Variants in PCDHA4 observed in about 807,000 individuals in gnomAD.
PCDHA4 encodes protocadherin alpha 4, also known as protocadherin alpha-4.
PCDHA4 carries 49 observed loss-of-function variants against 61.4 expected under a neutral mutation model. That is an observed-to-expected ratio of 0.80 (90% confidence interval 0.63 to 1.01). The LOEUF is 1.01. Ranked by LOEUF, PCDHA4 falls within the 50% of genes least tolerant of loss-of-function variation. The probability of loss-of-function intolerance (pLI) is 0.00; values close to 1 mark genes in which losing one functional copy is unlikely to be tolerated. For synonymous variants in PCDHA4, 590 were observed against 550.3 expected (o/e 1.07, Z -1.01); for missense variants, 1,254 against 1,235.8 (o/e 1.01, Z -0.22).
intron 1 of PCDHA4, chr5:140,834,849 G>A: frequency 6.2e-7 from 1 of 1,610,850 alleles, no homozygotes; most frequent in East Asian, 2.2e-5. Flanking sequence ...TCCACTAGAG[G>A]GCGCGTCCGA....
chr5:140,884,555 G>C, intron 1 of PCDHA4: 1 of 1,614,098 alleles, frequency 6.2e-7, no homozygotes, highest in Non-Finnish European at 8.5e-7. Context: ...CTCTGGGGAG[G>C]GCCCGCATAA....
At chr5:140,836,233 G>A in intron 1 of PCDHA4, 5 of 1,613,764 alleles carry the variant, frequency 3.1e-6, no homozygotes, top group Non-Finnish European at 4.2e-6. Flanking sequence ...GTGGCGGCCG[G>A]TGCGAGCATC....
intron 1 of PCDHA4, chr5:140,842,284 C>A: frequency 1.2e-6 from 2 of 1,610,320 alleles, no homozygotes; most frequent in South Asian, 1.1e-5. Context: ...TCCTCATTGA[C>A]GCCACGGACA....
In PCDHA4 at chr5:140,835,789, C is replaced by T. The variant is rs2150244748; in HGVS notation, c.2385+26217C>T. The T allele has an allele frequency of 6.8e-6, 11 of 1,612,988 alleles. No individual in the cohort carries two copies. The South Asian group carries it at 9.9e-5, about 14-fold the overall frequency. ...ACGGTGTTCGTGAAGGAGAACAACC[C>T]GCCGGGCTGCCACATCTTCACTGTG... On this transcript the variant is annotated intron_variant, in intron 1 of 3. Transcript: ENST00000530339.
At chr5:140,876,298 G>T (rs1469744425) in intron 1 of PCDHA4, 3 of 1,613,970 alleles carry the variant, frequency 1.9e-6, no homozygotes, top group Non-Finnish European at 1.7e-6. Context: ...ACTTAATGGA[G>T]AAATTTCCTA....
intron 1 of PCDHA4, among the ~76,000 whole-genome samples, chr5:140,963,839 G>A (rs566875036): frequency 1.3e-5 from 2 of 152,290 alleles, no homozygotes; most frequent in African/African-American, 2.4e-5. Flanking sequence ...ATTTTCTCAT[G>A]TAATCATAAT....
chr5:140,858,235 A>C, intron 1 of PCDHA4: 2 of 1,596,218 alleles, frequency 1.3e-6, no homozygotes, highest in Non-Finnish European at 1.7e-6. Flanking sequence ...CCGAGGGCGC[A>C]TGTGGGCCGG....
intron 1 of PCDHA4, among the ~76,000 whole-genome samples, chr5:140,839,640 TC>T (rs1776343463): frequency 6.6e-6 from 1 of 152,096 alleles, no homozygotes; most frequent in Admixed American, 6.5e-5. Flanking sequence ...AATACTATTT[TC>T]TTTACAAATT....
chr5:140,841,337 C>G (rs1424910645), intron 1 of PCDHA4: 1 of 1,610,914 alleles, frequency 6.2e-7, no homozygotes, highest in Non-Finnish European at 8.5e-7. Context: ...TTATCACTGG[C>G]GAGGAGAGCT....
At chr5:140,956,890 G>T (rs2095318198) in intron 1 of PCDHA4, among the ~76,000 whole-genome samples, 3 of 152,136 alleles carry the variant, frequency 2.0e-5, no homozygotes, top group Non-Finnish European at 4.4e-5. Context: ...ATCAATGAAT[G>T]AATATTCTTA....
intron 1 of PCDHA4, among the ~76,000 whole-genome samples, chr5:140,946,628 A>ATATATATATATATATATATATATATATC (rs2093986423): frequency 7.4e-6 from 1 of 134,528 alleles, no homozygotes; most frequent in Non-Finnish European, 1.6e-5. Context: ...ATATATATAT[A>ATATATATATATATATATATATATATATC]TATACAATGG....
At chr5:140,908,602 G>T (rs542051868) in intron 1 of PCDHA4, among the ~76,000 whole-genome samples, 67 of 152,202 alleles carry the variant, frequency 4.4e-4, no homozygotes, top group African/African-American at 1.3e-3. Context: ...AAGATGGAAG[G>T]GCCTTGCTCC....
At position 140,899,258 on chromosome 5, in the gene PCDHA4, T is replaced by C. The variant is rs1293804815; in HGVS notation, c.2386-79691T>C. On this transcript the variant is annotated intron_variant, in intron 1 of 3. Transcript: ENST00000530339. Reference sequence around the variant, plus strand: ...TAGGAGTGGTGAGAGAGGGCATCCCTGTCTTGTGGCAGTTTTCAAAGGGAA... The same window carrying C: ...TAGGAGTGGTGAGAGAGGGCATCCCCGTCTTGTGGCAGTTTTCAAAGGGAA... Among the ~76,000 whole-genome samples the C allele has an allele frequency of 3.7e-4, 56 of 152,282 alleles. No individual in the cohort carries two copies. In the South Asian group the frequency reaches 0.012, roughly 32 times the overall value.
intron 1 of PCDHA4, among the ~76,000 whole-genome samples, chr5:140,961,983 A>C (rs941028423): frequency 1.3e-5 from 2 of 151,532 alleles, no homozygotes; most frequent in Non-Finnish European, 2.9e-5. Context: ...TCCTGGGTTC[A>C]CGCCATTGTC....
intron 3 of PCDHA4, among the ~76,000 whole-genome samples, chr5:141,009,130 G>A (rs1395175038): frequency 2.0e-5 from 3 of 152,188 alleles, no homozygotes; most frequent in African/African-American, 7.2e-5. Flanking sequence ...TGGTATCCTG[G>A]TGAAAAAACC....
chr5:140,904,170 A>T (rs2070892349), intron 1 of PCDHA4, among the ~76,000 whole-genome samples: 1 of 151,964 alleles, frequency 6.6e-6, no homozygotes. Context: ...GTAGTCTTTT[A>T]TTCCTCACCC....
At chr5:140,940,636 C>A (rs1554213535) in intron 1 of PCDHA4, among the ~76,000 whole-genome samples, 1 of 152,106 alleles carries the variant, frequency 6.6e-6, no homozygotes. Flanking sequence ...TTAAGCTTGT[C>A]ATTTATTTAT....
At chr5:140,838,077 AGTGTGTGTGTGTGTGTGTGT>A (rs57130401) in intron 1 of PCDHA4, among the ~76,000 whole-genome samples, 40 of 80,696 alleles carry the variant, frequency 5.0e-4, no homozygotes, top group Middle Eastern at 0.015. Flanking sequence ...ATATATATAT[AGTGTGTGTGTGTGTGTGTGT>A]GTGTGTGTGT....
intron 1 of PCDHA4, chr5:140,841,406 G>A: frequency 6.2e-7 from 1 of 1,613,082 alleles, no homozygotes; most frequent in Non-Finnish European, 8.5e-7. Context: ...GGTGGGGAGC[G>A]GCCAGCTCCA....
Sources: allele counts gnomAD v4.1 joint callset (sites outside exome capture counted in the v4.1 genomes callset), GRCh38; gene constraint gnomAD v4.1.1; transcripts MANE v1.5; gene names NCBI Gene and HGNC (gene_info 2026-07-23, HGNC 2026-07-21).